The following ATOSA variants were observed in gnomAD, a reference collection of about 807,000 sequenced individuals.
ATOSA encodes atos homolog protein A.
At chr15:52,645,201 G>C in the ATOSA span, among the ~76,000 whole-genome samples, 3 of 152,228 alleles carry the variant, frequency 2.0e-5, no homozygotes, top group African/African-American at 7.2e-5. Context: ...AACTCTGGGA[G>C]GCCGAGGCAG....
the ATOSA span, among the ~76,000 whole-genome samples, chr15:52,680,239 TA>T: frequency 2.6e-5 from 4 of 151,222 alleles, no homozygotes; most frequent in African/African-American, 9.7e-5. Context: ...CTGCTGTACT[TA>T]AAAAAAAACC....
chr15:52,701,776 A>G, the ATOSA span, among the ~76,000 whole-genome samples: 12 of 152,268 alleles, frequency 7.9e-5, no homozygotes, highest in African/African-American at 2.9e-4. Context: ...TACAAATGAG[A>G]AATTGGGGGA....
the ATOSA span, chr15:52,609,254 T>C: frequency 6.2e-7 from 1 of 1,613,636 alleles, no homozygotes; most frequent in Non-Finnish European, 8.5e-7. Context: ...TTCCCATCAC[T>C]GATGTCTCCT....
the ATOSA span, among the ~76,000 whole-genome samples, chr15:52,646,139 A>AC: frequency 5.8e-4 from 88 of 152,280 alleles, no homozygotes; most frequent in Admixed American, 1.7e-3. Flanking sequence ...CATATGAATG[A>AC]CCCCTACTTC....
At chr15:52,703,935 G>A in the ATOSA span, among the ~76,000 whole-genome samples, 1 of 152,040 alleles carries the variant, frequency 6.6e-6, no homozygotes, top group African/African-American at 2.4e-5. Flanking sequence ...GAATGTCTCT[G>A]AACTAGTTTG....
At chr15:52,656,719 CTAA>C in the ATOSA span, 1 of 152,066 alleles carries the variant, frequency 6.6e-6, no homozygotes, top group Non-Finnish European at 1.5e-5. Context: ...AACACTTCAT[CTAA>C]TAATATCTTG....
At chr15:52,616,498 C>T in the ATOSA span, among the ~76,000 whole-genome samples, 1 of 152,110 alleles carries the variant, frequency 6.6e-6, no homozygotes, top group South Asian at 2.1e-4. Context: ...TTTTGGGAGG[C>T]TGAGGCAAGA....
chr15:52,671,982 C>G, the ATOSA span, among the ~76,000 whole-genome samples: 1 of 151,506 alleles, frequency 6.6e-6, no homozygotes, highest in Middle Eastern at 3.2e-3. Context: ...CACATGGGCT[C>G]TTAGGCTAAT....
At chr15:52,587,227 T>C in the ATOSA span, 1 of 1,611,040 alleles carries the variant, frequency 6.2e-7, no homozygotes, top group Non-Finnish European at 8.5e-7. Context: ...ACCCTTGAAA[T>C]AAAAGAAGAC....
the ATOSA span, among the ~76,000 whole-genome samples, chr15:52,671,532 GTTTCCGGACTCACAAAAC>G: frequency 2.0e-5 from 3 of 152,096 alleles, no homozygotes; most frequent in Non-Finnish European, 4.4e-5. Context: ...AAGAGACAAG[GTTTCCGGACTCACAAAAC>G]TTAAAATCTA....
chr15:52,669,666 T>C, the ATOSA span, among the ~76,000 whole-genome samples: 1 of 152,232 alleles, frequency 6.6e-6, no homozygotes, highest in Non-Finnish European at 1.5e-5. Flanking sequence ...ATATTGTTTA[T>C]TCCCAAATAC....
At chr15:52,679,691 A>C in the ATOSA span, among the ~76,000 whole-genome samples, 1 of 151,962 alleles carries the variant, frequency 6.6e-6, no homozygotes, top group Admixed American at 6.5e-5. Flanking sequence ...ATTAGAGCGC[A>C]GGGTAACTGG....
the ATOSA span, among the ~76,000 whole-genome samples, chr15:52,604,591 A>G: frequency 2.0e-5 from 3 of 152,164 alleles, no homozygotes; most frequent in Non-Finnish European, 2.9e-5. Context: ...TCACAACACT[A>G]AGGTAGACAT....
chr15:52,600,239 T>C, the ATOSA span: 1 of 1,569,132 alleles, frequency 6.4e-7, no homozygotes, highest in Non-Finnish European at 8.7e-7. Context: ...TCGAGGACTA[T>C]TAGAAAAACA....
the ATOSA span, chr15:52,610,995 G>A: frequency 1.3e-5 from 14 of 1,075,494 alleles, no homozygotes; most frequent in Admixed American, 2.8e-5. Flanking sequence ...AACTTGTTTT[G>A]AAAAACCTCA....
At chr15:52,677,633 C>T in the ATOSA span, among the ~76,000 whole-genome samples, 1 of 152,184 alleles carries the variant, frequency 6.6e-6, no homozygotes, top group Non-Finnish European at 1.5e-5. Flanking sequence ...ATCAAGTTCA[C>T]ATTCAAGTTT....
chr15:52,669,777 G>A, the ATOSA span, among the ~76,000 whole-genome samples: 1 of 152,180 alleles, frequency 6.6e-6, no homozygotes, highest in African/African-American at 2.4e-5. Flanking sequence ...ATTCCCAGAA[G>A]AGTCTACCAA....
the ATOSA span, among the ~76,000 whole-genome samples, chr15:52,697,669 G>A: frequency 6.6e-6 from 1 of 151,466 alleles, no homozygotes; most frequent in African/African-American, 2.4e-5. Flanking sequence ...GAAGATACTT[G>A]CAATACATAT....
At chr15:52,636,172 TAAATA>T in the ATOSA span, among the ~76,000 whole-genome samples, 1 of 147,392 alleles carries the variant, frequency 6.8e-6, no homozygotes, top group Admixed American at 6.8e-5. Flanking sequence ...AATAAATAAA[TAAATA>T]AAATAAAAAT....
Sources: allele counts gnomAD v4.1 joint callset (sites outside exome capture counted in the v4.1 genomes callset), GRCh38; gene constraint gnomAD v4.1.1; transcripts MANE v1.5; gene names NCBI Gene and HGNC (gene_info 2026-07-23, HGNC 2026-07-21).